Variants in WDPCP observed in about 807,000 individuals in gnomAD.
WDPCP encodes WD repeat-containing and planar cell polarity effector protein fritz homolog.
A neutral mutation model predicts 93.1 loss-of-function variants in WDPCP; 71 were observed. The ratio of observed to expected loss-of-function variants is 0.76; its 90% CI spans 0.63 to 0.93. The LOEUF (loss-of-function observed/expected upper bound fraction) is 0.93. Among genes scored for constraint, WDPCP ranks in the 40% least tolerant of loss-of-function variants. WDPCP has a pLI of 0.00. For missense variants in WDPCP, 844 were observed against 887.4 expected (o/e 0.95, Z 0.62); for synonymous variants, 315 against 315.0 (o/e 1.00, Z 0.00).
chr2:63,221,649 A>G (rs1312961931), intron 14 of WDPCP, among the ~76,000 whole-genome samples: 1 of 152,204 alleles, frequency 6.6e-6, no homozygotes, highest in Non-Finnish European at 1.5e-5. Flanking sequence ...GCTTTTTAAA[A>G]GATACATAGA....
intron 2 of WDPCP, among the ~76,000 whole-genome samples, chr2:63,793,686 C>A (rs1046383166): frequency 6.6e-6 from 1 of 152,152 alleles, no homozygotes; most frequent in Non-Finnish European, 1.5e-5. Flanking sequence ...AATAGCTATA[C>A]ATGCATCCCC....
intron 6 of WDPCP, among the ~76,000 whole-genome samples, chr2:63,475,700 C>A: frequency 6.6e-6 from 1 of 151,782 alleles, no homozygotes; most frequent in East Asian, 1.9e-4. Flanking sequence ...TTTTTCAGGC[C>A]CTCTGACTTC....
chr2:63,325,652 T>A (rs1687475714), intron 12 of WDPCP, among the ~76,000 whole-genome samples: 1 of 152,214 alleles, frequency 6.6e-6, no homozygotes, highest in Non-Finnish European at 1.5e-5. Flanking sequence ...TTGATAGACT[T>A]TGCTCTTTTC....
intron 1 of WDPCP, among the ~76,000 whole-genome samples, chr2:63,540,741 GGTTT>G (rs1195438169): frequency 3.3e-5 from 5 of 151,910 alleles, no homozygotes; most frequent in African/African-American, 1.2e-4. Context: ...TTGATATAGT[GGTTT>G]TTTTGTTTGT....
intron 8 of WDPCP, among the ~76,000 whole-genome samples, chr2:63,435,077 C>G (rs909715926): frequency 2.0e-5 from 3 of 152,114 alleles, no homozygotes; most frequent in African/African-American, 7.2e-5. Flanking sequence ...TCTTCATCCT[C>G]TGAATGCACA....
At chr2:63,257,547 C>G (rs1485494769) in intron 14 of WDPCP, among the ~76,000 whole-genome samples, 1 of 152,060 alleles carries the variant, frequency 6.6e-6, no homozygotes, top group African/African-American at 2.4e-5. Flanking sequence ...GTATCTTTGT[C>G]AAAACATAGT....
At chr2:63,397,164 T>G (rs750902527) in intron 10 of WDPCP, among the ~76,000 whole-genome samples, 15 of 152,098 alleles carry the variant, frequency 9.9e-5, no homozygotes, top group Non-Finnish European at 1.9e-4. Flanking sequence ...ATTAAAGCAA[T>G]GACAGTGACG....
chr2:63,299,804 G>A (rs1255016450), intron 13 of WDPCP, among the ~76,000 whole-genome samples: 2 of 152,148 alleles, frequency 1.3e-5, no homozygotes, highest in African/African-American at 4.8e-5. Flanking sequence ...CAAGGACATG[G>A]GAGTCCTTGG....
chr2:63,502,111 C>T (rs1302678238), intron 1 of WDPCP, among the ~76,000 whole-genome samples: 1 of 152,184 alleles, frequency 6.6e-6, no homozygotes, highest in Non-Finnish European at 1.5e-5. Context: ...ACTTACAACA[C>T]GTGCACACCC....
At chr2:63,223,092 T>C (rs1002453806) in intron 14 of WDPCP, among the ~76,000 whole-genome samples, 1 of 152,100 alleles carries the variant, frequency 6.6e-6, no homozygotes, top group African/African-American at 2.4e-5. Flanking sequence ...TATGACTGTA[T>C]CAGTACTAAA....
intron 2 of WDPCP, among the ~76,000 whole-genome samples, chr2:63,797,033 G>A (rs1225476723): frequency 6.6e-6 from 1 of 152,170 alleles, no homozygotes; most frequent in Non-Finnish European, 1.5e-5. Flanking sequence ...AGGGCACTAG[G>A]CAGAGTCCTG....
chr2:63,772,567 T>G (rs1670245344), intron 2 of WDPCP, among the ~76,000 whole-genome samples: 1 of 152,050 alleles, frequency 6.6e-6, no homozygotes, highest in Non-Finnish European at 1.5e-5. Context: ...AATCCAAGGA[T>G]GCATAATAGA....
At position 63,242,190 on chromosome 2, in the gene WDPCP, G is replaced by A. The variant is rs377574734; in HGVS notation, c.1915+17117C>T. Among the ~76,000 whole-genome samples, 9 of 151,998 alleles carry A rather than the reference G, an allele frequency of 5.9e-5. No individual in the cohort carries two copies. In the South Asian group the frequency reaches 1.2e-3, roughly 21 times the overall value. ...TAAGCATGAATAAGCTTTTATATCAGAATTTTAAAATACATTTTAAAAGGA... is the reference window on the plus strand; with the variant it reads ...TAAGCATGAATAAGCTTTTATATCAAAATTTTAAAATACATTTTAAAAGGA... On this transcript the variant is annotated intron_variant, in intron 14 of 17. Transcript: ENST00000272321.
Position 63,520,818 on chromosome 2 carries a change from C to G in WDPCP, c.76-27878G>C, listed in dbSNP as rs1252057831. ...GGCTGAGGTGGGAGGATCACATGAG[C>G]CTGGGGAGGTCAAAGCTGCAGTGAG... On this transcript the variant is annotated intron_variant, in intron 1 of 17. Coordinates refer to ENST00000272321, the MANE Select transcript of WDPCP (RefSeq NM_015910.7). Among the ~76,000 whole-genome samples, 3 of 150,746 alleles carry G rather than the reference C, an allele frequency of 2.0e-5. No individual in the cohort carries two copies. The Admixed American group carries it at 2.0e-4, about 10-fold the overall frequency.
intron 10 of WDPCP, among the ~76,000 whole-genome samples, chr2:63,397,221 T>C (rs931524151): frequency 6.6e-6 from 1 of 152,120 alleles, no homozygotes; most frequent in Admixed American, 6.6e-5. Context: ...GCCGAATCGA[T>C]AGGATTTGGT....
At chr2:63,438,135 C>A (rs528923477) in intron 7 of WDPCP, 64 of 625,260 alleles carry the variant, frequency 1.0e-4, no homozygotes, top group Non-Finnish European at 1.5e-5. Flanking sequence ...AGCTTTGTCA[C>A]CAAAGCACAC....
chr2:63,356,486 T>C (rs953463773), intron 12 of WDPCP, among the ~76,000 whole-genome samples: 8 of 152,186 alleles, frequency 5.3e-5, no homozygotes, highest in African/African-American at 1.9e-4. Context: ...ATTCTTTTCA[T>C]TGCCATGTGG....
At chr2:63,286,932 C>T (rs997315849) in intron 13 of WDPCP, among the ~76,000 whole-genome samples, 1 of 152,170 alleles carries the variant, frequency 6.6e-6, no homozygotes, top group Admixed American at 6.6e-5. Flanking sequence ...TAACAAAATA[C>T]CACAGAGTGG....
At position 63,622,961 on chromosome 2, in the gene WDPCP, C is replaced by T. The variant is rs1709764720; in HGVS notation, n.488+27698G>A. On this transcript the variant is annotated intron_variant and non_coding_transcript_variant, in intron 3 of 4. Transcript: ENST00000467687. ...CAGGCTCGTAGCTCAGTCACCACCG[C>T]ACGGCGCCCAAGCAGCTGCTGCCGC... 5.3e-6 allele frequency: 4 copies of T among 753,536 alleles called. No homozygotes were observed. The East Asian group carries it at 1.1e-4, about 20-fold the overall frequency. 46.7% of individuals were successfully genotyped at this position (753,536 alleles called of 1,614,324 possible).
Sources: allele counts gnomAD v4.1 joint callset (sites outside exome capture counted in the v4.1 genomes callset), GRCh38; gene constraint gnomAD v4.1.1; transcripts MANE v1.5; gene names NCBI Gene and HGNC (gene_info 2026-07-23, HGNC 2026-07-21).